DNAJB6: variants seen among roughly 807,000 people sequenced by gnomAD.
The protein encoded by DNAJB6 is dnaJ homolog subfamily B member 6.
A neutral mutation model predicts 42.7 loss-of-function variants in DNAJB6; 16 were observed. That is an observed-to-expected ratio of 0.37 (90% confidence interval 0.25 to 0.57). The LOEUF is 0.57. Ranked by LOEUF, DNAJB6 falls within the 20% of genes least tolerant of loss-of-function variation. The pLI is 0.74. For missense variants in DNAJB6, 347 were observed against 416.8 expected (o/e 0.83, Z 1.46); for synonymous variants, 170 against 163.5 (o/e 1.04, Z -0.30).
At chr7:157,340,210 T>C (rs911447754) in intron 1 of DNAJB6, among the ~76,000 whole-genome samples, 7 of 152,248 alleles carry the variant, frequency 4.6e-5, no homozygotes, top group African/African-American at 1.7e-4. Context: ...ACAGCGTTTT[T>C]TGGAAACCTT....
intron 1 of DNAJB6, chr7:157,337,524 C>T (rs148275454): frequency 0.042 from 6,323 of 152,354 alleles, 130 homozygotes; most frequent in Middle Eastern, 0.058. Flanking sequence ...GGAGCGCCTT[C>T]TTTTTCTAAG....
In DNAJB6 at chr7:157,358,624, G is replaced by A. The variant is rs200906900; in HGVS notation, c.52G>A (p.Asp18Asn). The A allele has an allele frequency of 1.2e-6, 2 of 1,613,000 alleles. No individual in the cohort carries two copies. The highest frequency in any genetic ancestry group is 1.7e-6 in the Non-Finnish European group (2 of 1,179,108). ...LGVQRHASPE[D>N]IKKAYRKLAL... ...CGTGCAGAGACATGCCTCACCCGAG[G>A]ATATTAAAAAGGCGTAAGTAGTTTT... Residue 18 changes from aspartate to asparagine, a missense_variant, in exon 2 of 10, where the codon GAT (aspartate) becomes AAT (asparagine). By Grantham distance (23) the Asp-to-Asn change is conservative (BLOSUM62 1). Transcript: ENST00000262177.
At chr7:157,349,423 G>A (rs1798856503) in intron 1 of DNAJB6, among the ~76,000 whole-genome samples, 2 of 152,172 alleles carry the variant, frequency 1.3e-5, no homozygotes, top group Non-Finnish European at 2.9e-5. Context: ...CTGCCCAAAG[G>A]TAATGGGAAG....
intron 2 of DNAJB6, among the ~76,000 whole-genome samples, chr7:157,360,003 T>C (rs748977208): frequency 2.6e-5 from 4 of 152,212 alleles, no homozygotes; most frequent in African/African-American, 4.8e-5. Context: ...ACTATTCTTA[T>C]CAGTAATGTT....
At chr7:157,392,919 A>G (rs1801416119) in intron 8 of DNAJB6, among the ~76,000 whole-genome samples, 1 of 152,192 alleles carries the variant, frequency 6.6e-6, no homozygotes, top group South Asian at 2.1e-4. Context: ...GGAAGTCGGT[A>G]CGCCTTACAT....
chr7:157,358,789 G>A (rs189027426), intron 2 of DNAJB6, 152 bp downstream of exon 2: 6 of 654,692 alleles, frequency 9.2e-6, no homozygotes, highest in South Asian at 5.5e-5. Flanking sequence ...AGCAGTTAAC[G>A]AGCATTTGCA....
intron 8 of DNAJB6, among the ~76,000 whole-genome samples, chr7:157,390,601 G>A (rs1801293487): frequency 6.6e-6 from 1 of 152,184 alleles, no homozygotes; most frequent in Non-Finnish European, 1.5e-5. Context: ...TTGCAGAAAT[G>A]TGGGGTGGAG....
At chr7:157,410,237 C>T in intron 9 of DNAJB6, 2 of 976,658 alleles carry the variant, frequency 2.0e-6, no homozygotes, top group Non-Finnish European at 2.8e-6. Context: ...GTCCTGTACG[C>T]AGCGTGTTGC....
chr7:157,392,394 G>A (rs992792441), intron 8 of DNAJB6, among the ~76,000 whole-genome samples: 7 of 147,144 alleles, frequency 4.8e-5, no homozygotes, highest in African/African-American at 1.0e-4. Flanking sequence ...TTTTGTTCAC[G>A]TGACTTACTG....
chr7:157,356,617 C>T (rs1799291168), intron 1 of DNAJB6, among the ~76,000 whole-genome samples: 1 of 152,170 alleles, frequency 6.6e-6, no homozygotes, highest in African/African-American at 2.4e-5. Context: ...GTGGAAAGAA[C>T]TGTGCAGTGG....
rs1584924207 is a variant in DNAJB6, at chr7:157,382,157, A to C, written c.347-89A>C. On this transcript the variant is annotated intron_variant, in intron 5 of 9. Coordinates refer to ENST00000262177, the MANE Select transcript of DNAJB6 (RefSeq NM_058246.4). ...AGTTTTTTGTTCCTGAATATGTTACAAACATCTATTTTCTCTTACTGTAGC... is the reference window on the plus strand; with the variant it reads ...AGTTTTTTGTTCCTGAATATGTTACCAACATCTATTTTCTCTTACTGTAGC... The C allele has an allele frequency of 1.2e-5, 17 of 1,428,654 alleles. No individual in the cohort carries two copies. The East Asian group carries it at 3.7e-4, about 31-fold the overall frequency. 88.5% of individuals were successfully genotyped at this position (1,428,654 alleles called of 1,614,324 possible).
chr7:157,410,134 G>A (rs1000294032), intron 9 of DNAJB6, 133 bp downstream of exon 9: 3 of 1,413,154 alleles, frequency 2.1e-6, no homozygotes, highest in South Asian at 1.5e-5. Context: ...CGGGCGGGGC[G>A]GGAGGAGGTA....
intron 1 of DNAJB6, among the ~76,000 whole-genome samples, chr7:157,346,591 C>A (rs1202232935): frequency 6.6e-6 from 1 of 151,902 alleles, no homozygotes; most frequent in Non-Finnish European, 1.5e-5. Flanking sequence ...GATAGTGTTA[C>A]CAAAAATACT....
intron 5 of DNAJB6, among the ~76,000 whole-genome samples, chr7:157,371,206 C>G (rs1423043400): frequency 1.3e-5 from 2 of 152,358 alleles, no homozygotes; most frequent in South Asian, 2.1e-4. Flanking sequence ...TTCCATGAAA[C>G]CAGTCCCTGG....
chr7:157,377,716 C>G (rs1232596231), intron 5 of DNAJB6, among the ~76,000 whole-genome samples: 1 of 152,190 alleles, frequency 6.6e-6, no homozygotes, highest in Non-Finnish European at 1.5e-5. Flanking sequence ...CTAATCTCAT[C>G]CAGAATCACC....
intron 5 of DNAJB6, among the ~76,000 whole-genome samples, chr7:157,371,539 A>T (rs1017922475): frequency 6.6e-6 from 1 of 152,260 alleles, no homozygotes; most frequent in Non-Finnish European, 1.5e-5. Context: ...AAGCCCTCCC[A>T]GGAGAGGTCG....
intron 1 of DNAJB6, among the ~76,000 whole-genome samples, chr7:157,355,967 G>A (rs1483140639): frequency 1.3e-5 from 2 of 152,202 alleles, no homozygotes; most frequent in East Asian, 3.8e-4. Context: ...GCCTCGGGAG[G>A]TGTCTTCCTC....
At chr7:157,403,173 C>T (rs1421371331) in intron 8 of DNAJB6, among the ~76,000 whole-genome samples, 1 of 152,142 alleles carries the variant, frequency 6.6e-6, no homozygotes. Flanking sequence ...TTCTATGAGT[C>T]TCTGATCAGC....
chr7:157,349,252 A>G (rs1159222527), intron 1 of DNAJB6, among the ~76,000 whole-genome samples: 2 of 152,136 alleles, frequency 1.3e-5, no homozygotes, highest in African/African-American at 4.8e-5. Context: ...AAGCTAGCAT[A>G]GTGTGTGTTA....
Sources: gnomAD v4.1 joint callset for allele counts (sites outside exome capture counted in the v4.1 genomes callset) on GRCh38, gnomAD v4.1.1 for gene constraint, MANE v1.5 for transcripts, NCBI Gene and HGNC (gene_info 2026-07-23, HGNC 2026-07-21) for gene names.